Variants in MAN1C1 observed in about 807,000 individuals in gnomAD.
The protein encoded by MAN1C1 is mannosidase alpha class 1C member 1.
In MAN1C1, 49 loss-of-function variants were observed where a neutral mutation model predicts 71.5. The ratio of observed to expected loss-of-function variants is 0.69; its 90% CI spans 0.54 to 0.87. The LOEUF (loss-of-function observed/expected upper bound fraction) is 0.87, where lower values mean the gene tolerates loss of function less well. MAN1C1 is among the 40% of genes least tolerant of loss of function. The probability of loss-of-function intolerance (pLI) is 0.00; values close to 1 mark genes in which losing one functional copy is unlikely to be tolerated. For synonymous variants in MAN1C1, 352 were observed against 343.7 expected (o/e 1.02, Z -0.27); for missense variants, 743 against 835.0 (o/e 0.89, Z 1.36).
chr1:25,723,413 T>G (rs1295916857), intron 2 of MAN1C1, among the ~76,000 whole-genome samples: 1 of 152,220 alleles, frequency 6.6e-6, no homozygotes, highest in Non-Finnish European at 1.5e-5. Flanking sequence ...CCTTTGGGGT[T>G]TTCTAGCACA....
At chr1:25,736,500 G>T (rs1257928607) in intron 2 of MAN1C1, among the ~76,000 whole-genome samples, 3 of 152,042 alleles carry the variant, frequency 2.0e-5, no homozygotes, top group African/African-American at 7.2e-5. Flanking sequence ...CACCCTAAAA[G>T]GGAGACCTCA....
intron 2 of MAN1C1, among the ~76,000 whole-genome samples, chr1:25,695,494 G>A (rs2046358323): frequency 6.6e-6 from 1 of 152,002 alleles, no homozygotes; most frequent in South Asian, 2.1e-4. Flanking sequence ...ACAATTCCTC[G>A]GCCACCTTCT....
chr1:25,733,480 C>T (rs548072076), intron 2 of MAN1C1, among the ~76,000 whole-genome samples: 1 of 152,162 alleles, frequency 6.6e-6, no homozygotes, highest in South Asian at 2.1e-4. Context: ...TGGCCCCTTT[C>T]TCCTGGGCCT....
At chr1:25,768,619 T>C (rs1415590516) in intron 7 of MAN1C1, among the ~76,000 whole-genome samples, 3 of 61,540 alleles carry the variant, frequency 4.9e-5, no homozygotes, top group Non-Finnish European at 9.0e-5. Context: ...ACATCCACAC[T>C]CCCCTCACAC....
At chr1:25,636,263 A>G (rs974275705) in intron 1 of MAN1C1, among the ~76,000 whole-genome samples, 1 of 152,110 alleles carries the variant, frequency 6.6e-6, no homozygotes, top group Non-Finnish European at 1.5e-5. Context: ...TCTGACCACA[A>G]ATTTACCAGG....
In MAN1C1 at chr1:25,742,277, G is replaced by A. The variant is rs567958659; in HGVS notation, c.638-4391G>A. Among the ~76,000 whole-genome samples the A allele has an allele frequency of 1.5e-4, 23 of 152,312 alleles. No homozygotes were observed. The South Asian group carries it at 1.7e-3, about 11-fold the overall frequency. ...ACCATTGGCAGTTCCTGAGCTTGGG[G>A]AGAGACCCAAGTTGGATCTGGCTTT... On this transcript the variant is annotated intron_variant, in intron 2 of 11. Coordinates refer to ENST00000374332, the MANE Select transcript of MAN1C1 (RefSeq NM_020379.4).
chr1:25,756,459 T>TC (rs1013664252), intron 5 of MAN1C1, among the ~76,000 whole-genome samples: 1 of 101,878 alleles, frequency 9.8e-6, no homozygotes. Context: ...GAGGCCCATG[T>TC]GGGGGAAAAG....
At chr1:25,670,007 T>G (rs1365635298) in intron 1 of MAN1C1, among the ~76,000 whole-genome samples, 1 of 152,246 alleles carries the variant, frequency 6.6e-6, no homozygotes, top group African/African-American at 2.4e-5. Context: ...TGTAGATGGT[T>G]TCACATGATT....
intron 2 of MAN1C1, among the ~76,000 whole-genome samples, chr1:25,708,275 C>T (rs1027979321): frequency 6.6e-6 from 1 of 152,096 alleles, no homozygotes; most frequent in Non-Finnish European, 1.5e-5. Flanking sequence ...CTTTTTTAGA[C>T]CATATATGGT....
At chr1:25,622,096 G>A (rs2045221883) in intron 1 of MAN1C1, among the ~76,000 whole-genome samples, 1 of 152,192 alleles carries the variant, frequency 6.6e-6, no homozygotes. Context: ...CCTTCCTCTG[G>A]TTAGGTGCAG....
At chr1:25,636,183 C>G (rs767121472) in intron 1 of MAN1C1, among the ~76,000 whole-genome samples, 17 of 152,206 alleles carry the variant, frequency 1.1e-4, no homozygotes, top group Non-Finnish European at 2.1e-4. Flanking sequence ...GGTTTATGTT[C>G]AGCTGTGCAC....
intron 2 of MAN1C1, among the ~76,000 whole-genome samples, chr1:25,708,370 T>C (rs1274095364): frequency 6.6e-6 from 1 of 152,246 alleles, no homozygotes; most frequent in African/African-American, 2.4e-5. Flanking sequence ...TTATAATTAG[T>C]GCCTAATGAG....
At chr1:25,745,864 A>C (rs1271907534) in intron 2 of MAN1C1, among the ~76,000 whole-genome samples, 1 of 152,102 alleles carries the variant, frequency 6.6e-6, no homozygotes, top group Non-Finnish European at 1.5e-5. Context: ...GGTAGCATGC[A>C]TCTGTAATCC....
Position 25,725,164 on chromosome 1 carries a change from A to G in MAN1C1, c.638-21504A>G, listed in dbSNP as rs1296408860. ...TCAATACCAATGTGGTGTGAAGACA[A>G]AAGGCTCAGTTTGCTCCTCTTGTGA... On this transcript the variant is annotated intron_variant, in intron 2 of 11. Transcript: ENST00000374332. The surrounding 1 kb of genome is among the most constrained non-coding windows in gnomAD (Gnocchi z 4.8). 6.6e-6 allele frequency among the ~76,000 whole-genome samples: 1 copy of G among 152,224 alleles called. No individual in the cohort carries two copies. The highest frequency in any genetic ancestry group is 2.4e-5 in the African/African-American group (1 of 41,460).
intron 2 of MAN1C1, among the ~76,000 whole-genome samples, chr1:25,737,976 T>C (rs1379301512): frequency 6.6e-6 from 1 of 152,024 alleles, no homozygotes. Flanking sequence ...GCTGGGACCA[T>C]GGGTTCTGCA....
At chr1:25,780,911 C>A (rs1233861716) in intron 9 of MAN1C1, 29 bp from the exon 10 acceptor site, 14 of 1,609,374 alleles carry the variant, frequency 8.7e-6, no homozygotes, top group Non-Finnish European at 1.2e-5. Flanking sequence ...GAGGTCTGAC[C>A]TGGGCCCTCT....
chr1:25,761,547 C>G (rs1171315914), intron 6 of MAN1C1: 1 of 150,444 alleles, frequency 6.6e-6, no homozygotes, highest in East Asian at 2.0e-4. Flanking sequence ...TTCCTCCTAA[C>G]TGAAATTTTA....
chr1:25,689,507 A>G (rs2046278479), intron 2 of MAN1C1, among the ~76,000 whole-genome samples: 1 of 152,212 alleles, frequency 6.6e-6, no homozygotes, highest in Non-Finnish European at 1.5e-5. Flanking sequence ...AATGGGTCAT[A>G]GGACACGAAG....
chr1:25,644,211 G>A (rs1174396664), intron 1 of MAN1C1, among the ~76,000 whole-genome samples: 3 of 151,998 alleles, frequency 2.0e-5, no homozygotes, highest in Admixed American at 1.3e-4. Flanking sequence ...GGAGAATGTG[G>A]GCAATCCTGG....
Sources: gnomAD v4.1 joint callset for allele counts (sites outside exome capture counted in the v4.1 genomes callset) on GRCh38, gnomAD v4.1.1 for gene constraint, Gnocchi (gnomAD v3.1) non-coding constraint, MANE v1.5 for transcripts, NCBI Gene and HGNC (gene_info 2026-07-23, HGNC 2026-07-21) for gene names.